NXPE2: variants seen among roughly 807,000 people sequenced by gnomAD.
The protein encoded by NXPE2 is neurexophilin and PC-esterase domain family member 2.
In NXPE2, 34 loss-of-function variants were observed where a neutral mutation model predicts 34.4. That is an observed-to-expected ratio of 0.99 (90% CI 0.75 to 1.31). The LOEUF (loss-of-function observed/expected upper bound fraction) is 1.31. Ranked by LOEUF, NXPE2 falls within the 40% of genes most tolerant of loss-of-function variation. The pLI, the probability that NXPE2 is intolerant of heterozygous loss-of-function variation, is 0.00. For synonymous variants in NXPE2, 235 were observed against 231.3 expected (o/e 1.02, Z -0.15); for missense variants, 649 against 672.5 (o/e 0.97, Z 0.39).
At chr11:114,764,659 A>G in the NXPE2 span, among the ~76,000 whole-genome samples, 1 of 152,158 alleles carries the variant, frequency 6.6e-6, no homozygotes, top group Non-Finnish European at 1.5e-5. Flanking sequence ...TTTTTATTTC[A>G]TACCTCTTCT....
chr11:114,740,617 G>A, the NXPE2 span, among the ~76,000 whole-genome samples: 5 of 151,964 alleles, frequency 3.3e-5, no homozygotes, highest in African/African-American at 1.2e-4. Context: ...TTTTCCATGT[G>A]TGATTAAAAA....
chr11:114,615,027 C>T, the NXPE2 span, among the ~76,000 whole-genome samples: 7 of 150,896 alleles, frequency 4.6e-5, no homozygotes, highest in African/African-American at 2.4e-5. Context: ...CGTGGGTAAC[C>T]AGTGTTACCC....
chr11:114,784,103 A>G, the NXPE2 span, among the ~76,000 whole-genome samples: 1 of 152,242 alleles, frequency 6.6e-6, no homozygotes, highest in Non-Finnish European at 1.5e-5. Context: ...AGGTTCAAAC[A>G]GATTGGCTAG....
At chr11:114,659,689 G>A in the NXPE2 span, among the ~76,000 whole-genome samples, 2 of 152,054 alleles carry the variant, frequency 1.3e-5, no homozygotes, top group East Asian at 1.9e-4. Context: ...TGAGGGATAA[G>A]TTGTAACATT....
the NXPE2 span, among the ~76,000 whole-genome samples, chr11:114,808,634 A>G: frequency 7.0e-6 from 1 of 142,832 alleles, no homozygotes; most frequent in African/African-American, 2.6e-5. Context: ...TCCTCCCAAG[A>G]CTAAACCAGG....
At chr11:114,589,465 C>T in the NXPE2 span, among the ~76,000 whole-genome samples, 7,915 of 152,168 alleles carry the variant, frequency 0.052, 684 homozygotes, top group African/African-American at 0.18. Context: ...ATATGTTTTT[C>T]TCAACCCCTT....
the NXPE2 span, among the ~76,000 whole-genome samples, chr11:114,734,016 C>A: frequency 6.6e-6 from 1 of 152,146 alleles, no homozygotes; most frequent in Non-Finnish European, 1.5e-5. Context: ...CAGTAAATGG[C>A]AGCAGGAATT....
the NXPE2 span, among the ~76,000 whole-genome samples, chr11:114,617,723 G>A: frequency 4.7e-5 from 7 of 150,152 alleles, no homozygotes; most frequent in Middle Eastern, 3.8e-3. Context: ...TACCCAATGC[G>A]TAATAAGTAT....
At chr11:114,620,585 T>TGCCTCTAGGGTA in the NXPE2 span, among the ~76,000 whole-genome samples, 1 of 152,066 alleles carries the variant, frequency 6.6e-6, no homozygotes. Flanking sequence ...TAATAAGTGT[T>TGCCTCTAGGGTA]GCCTCTAGGG....
chr11:114,625,638 C>T, the NXPE2 span, among the ~76,000 whole-genome samples: 10 of 152,170 alleles, frequency 6.6e-5, no homozygotes, highest in Middle Eastern at 3.4e-3. Flanking sequence ...TGCTGTTACC[C>T]GGTGGATAAT....
the NXPE2 span, among the ~76,000 whole-genome samples, chr11:114,608,507 G>A: frequency 1.3e-5 from 2 of 151,938 alleles, no homozygotes; most frequent in African/African-American, 4.8e-5. Context: ...TAGATGATAA[G>A]TGTTGCCTCG....
intron 2 of NXPE2, among the ~76,000 whole-genome samples, chr11:114,692,125 C>T (rs1251639627): frequency 1.3e-5 from 2 of 152,228 alleles, no homozygotes; most frequent in African/African-American, 4.8e-5. Flanking sequence ...GCAAATGCTG[C>T]AAACTCTGGC....
At chr11:114,583,445 A>C in the NXPE2 span, 5 of 667,620 alleles carry the variant, frequency 7.5e-6, no homozygotes, top group Non-Finnish European at 1.4e-5. Flanking sequence ...TGAGGAGATG[A>C]CCAAGTACCA....
chr11:114,735,837 G>A, the NXPE2 span, among the ~76,000 whole-genome samples: 1 of 152,124 alleles, frequency 6.6e-6, no homozygotes, highest in Non-Finnish European at 1.5e-5. Flanking sequence ...GCCTTATCAG[G>A]AGAAATTCAG....
chr11:114,654,384 G>T, the NXPE2 span, among the ~76,000 whole-genome samples: 2 of 151,808 alleles, frequency 1.3e-5, no homozygotes, highest in Non-Finnish European at 1.5e-5. Context: ...GGATACACAT[G>T]CAGAATGTGC....
the NXPE2 span, among the ~76,000 whole-genome samples, chr11:114,609,711 G>A: frequency 6.6e-6 from 1 of 151,710 alleles, no homozygotes; most frequent in Non-Finnish European, 1.5e-5. Context: ...CTGTTACCCG[G>A]TGGATAATAA....
chr11:114,797,854 G>T, the NXPE2 span, among the ~76,000 whole-genome samples: 1 of 152,244 alleles, frequency 6.6e-6, no homozygotes, highest in African/African-American at 2.4e-5. Context: ...AAGTTCTGAG[G>T]CCCACATCCT....
the NXPE2 span, among the ~76,000 whole-genome samples, chr11:114,742,914 C>T: frequency 3.3e-5 from 5 of 152,240 alleles, no homozygotes; most frequent in East Asian, 3.9e-4. Context: ...AGTAAGTCAG[C>T]TCACTTTGAA....
At chr11:114,729,576 C>T in the NXPE2 span, among the ~76,000 whole-genome samples, 1 of 151,960 alleles carries the variant, frequency 6.6e-6, no homozygotes, top group African/African-American at 2.4e-5. Context: ...GCATCGGTTG[C>T]TTTTTGACTT....
Sources: allele counts gnomAD v4.1 joint callset (sites outside exome capture counted in the v4.1 genomes callset), GRCh38; gene constraint gnomAD v4.1.1; transcripts MANE v1.5; gene names NCBI Gene and HGNC (gene_info 2026-07-23, HGNC 2026-07-21).